The following DDX10 variants were observed in gnomAD, a reference collection of about 807,000 sequenced individuals.
DDX10 encodes DEAD-box helicase 10.
In DDX10, 74 loss-of-function variants were observed where a neutral mutation model predicts 104.3. That is an observed-to-expected ratio of 0.71 (90% CI 0.59 to 0.86). DDX10 has a LOEUF of 0.86. DDX10 is among the 40% of genes least tolerant of loss of function. DDX10 has a pLI of 0.00. For missense variants in DDX10, 952 were observed against 1,040.0 expected, an observed-to-expected ratio of 0.92 and a Z score of 1.16; for synonymous variants, 351 against 353.4, an observed-to-expected ratio of 0.99 and a Z score of 0.08.
chr11:108,834,663 T>G (rs1372002748), intron 13 of DDX10, among the ~76,000 whole-genome samples: 1 of 152,070 alleles, frequency 6.6e-6, no homozygotes, highest in Non-Finnish European at 1.5e-5. Context: ...CAGCATTGCT[T>G]CTGTCTTTAG....
At chr11:108,751,392 T>C (rs944341886) in intron 13 of DDX10, among the ~76,000 whole-genome samples, 6 of 152,160 alleles carry the variant, frequency 3.9e-5, no homozygotes, top group Admixed American at 2.6e-4. Flanking sequence ...AATGAAACTT[T>C]CCATGAGTTT....
intron 17 of DDX10, among the ~76,000 whole-genome samples, chr11:108,932,293 G>C (rs1488907612): frequency 6.6e-6 from 1 of 151,916 alleles, no homozygotes; most frequent in Non-Finnish European, 1.5e-5. Context: ...TTGGTTGAAA[G>C]CTTTATATAC....
intron 6 of DDX10, 41 bp from the exon 7 acceptor site, chr11:108,688,895 A>C: frequency 1.3e-6 from 2 of 1,587,628 alleles, no homozygotes; most frequent in Non-Finnish European, 1.7e-6. Context: ...AGTTACTTAC[A>C]TGACATATTC....
intron 13 of DDX10, among the ~76,000 whole-genome samples, chr11:108,812,515 T>C (rs1344720497): frequency 6.6e-6 from 1 of 152,192 alleles, no homozygotes; most frequent in African/African-American, 2.4e-5. Flanking sequence ...AATTTATAAA[T>C]ATATTTAAGC....
intron 13 of DDX10, among the ~76,000 whole-genome samples, chr11:108,788,996 C>G (rs558425093): frequency 6.6e-6 from 1 of 152,272 alleles, no homozygotes; most frequent in African/African-American, 2.4e-5. Flanking sequence ...GGCAGATAGG[C>G]CGTACCCTCT....
At chr11:108,897,747 A>G (rs560512767) in intron 16 of DDX10, among the ~76,000 whole-genome samples, 1 of 151,824 alleles carries the variant, frequency 6.6e-6, no homozygotes, top group Non-Finnish European at 1.5e-5. Context: ...TCTTTCTTTC[A>G]GTTTGATCCT....
chr11:108,676,906 T>G (rs924342146), intron 3 of DDX10, among the ~76,000 whole-genome samples, 179 bp from the exon 4 acceptor site: 1 of 151,816 alleles, frequency 6.6e-6, no homozygotes, highest in African/African-American at 2.4e-5. Context: ...TTCCTCTGAG[T>G]TGGGGGTGGA....
chr11:108,845,243 CT>C (rs1199708206), intron 15 of DDX10, among the ~76,000 whole-genome samples: 1 of 151,294 alleles, frequency 6.6e-6, no homozygotes, highest in Non-Finnish European at 1.5e-5. Flanking sequence ...CAAACAAAGA[CT>C]TTCTTCTTTA....
intron 13 of DDX10, among the ~76,000 whole-genome samples, chr11:108,820,298 G>T (rs1862308970): frequency 6.6e-6 from 1 of 152,202 alleles, no homozygotes; most frequent in African/African-American, 2.4e-5. Flanking sequence ...GAGATCCAGA[G>T]AAATTCCACA....
chr11:108,844,501 T>C (rs139493459), intron 15 of DDX10, among the ~76,000 whole-genome samples: 72 of 152,196 alleles, frequency 4.7e-4, no homozygotes, highest in African/African-American at 1.6e-3. Context: ...TGTCATAGAG[T>C]GGATTTCTAC....
At chr11:108,694,600 G>T in intron 9 of DDX10, among the ~76,000 whole-genome samples, 1 of 152,190 alleles carries the variant, frequency 6.6e-6, no homozygotes, top group South Asian at 2.1e-4. Context: ...AATGTAGTAG[G>T]CTGGGCATGG....
At chr11:108,919,727 C>T (rs553128366) in intron 17 of DDX10, 1 of 152,314 alleles carries the variant, frequency 6.6e-6, no homozygotes, top group South Asian at 2.1e-4. Flanking sequence ...TGTCAGCAGT[C>T]CTTCTGCATT....
intron 1 of DDX10, among the ~76,000 whole-genome samples, chr11:108,670,578 C>T (rs758849257): frequency 2.0e-4 from 31 of 152,156 alleles, no homozygotes; most frequent in Non-Finnish European, 3.5e-4. Flanking sequence ...CTGGCATTGT[C>T]AGTCAACTAT....
intron 1 of DDX10, among the ~76,000 whole-genome samples, chr11:108,671,228 A>C (rs1024933880): frequency 6.6e-6 from 1 of 152,214 alleles, no homozygotes; most frequent in Non-Finnish European, 1.5e-5. Context: ...CAGTGGCTCT[A>C]TCTCTGCTCA....
intron 13 of DDX10, among the ~76,000 whole-genome samples, chr11:108,759,513 T>C (rs1196123031): frequency 1.3e-5 from 2 of 152,064 alleles, no homozygotes; most frequent in African/African-American, 2.4e-5. Context: ...ATGGTAGATA[T>C]GGTTGTAAGG....
intron 17 of DDX10, among the ~76,000 whole-genome samples, chr11:108,931,340 T>C (rs1199445687): frequency 6.6e-6 from 1 of 152,218 alleles, no homozygotes; most frequent in Non-Finnish European, 1.5e-5. Context: ...ATTAGTCACA[T>C]TTACAAACAT....
intron 2 of DDX10, among the ~76,000 whole-genome samples, chr11:108,674,588 G>T (rs912821952): frequency 6.6e-6 from 1 of 151,450 alleles, no homozygotes; most frequent in Non-Finnish European, 1.5e-5. Context: ...TTAGCTCACT[G>T]CATCCTCAGC....
At chr11:108,761,140 A>T (rs1276749990) in intron 13 of DDX10, among the ~76,000 whole-genome samples, 1 of 152,074 alleles carries the variant, frequency 6.6e-6, no homozygotes, top group Non-Finnish European at 1.5e-5. Context: ...ATCTCCAAGG[A>T]CCTGGTTAGT....
intron 6 of DDX10, among the ~76,000 whole-genome samples, chr11:108,681,918 CT>C (rs1313000868): frequency 6.6e-6 from 1 of 151,784 alleles, no homozygotes; most frequent in Non-Finnish European, 1.5e-5. Context: ...CATGTATGTG[CT>C]TATTTTCTGT....
Sources: gnomAD v4.1 joint callset for allele counts (sites outside exome capture counted in the v4.1 genomes callset) on GRCh38, gnomAD v4.1.1 for gene constraint, MANE v1.5 for transcripts, NCBI Gene and HGNC (gene_info 2026-07-23, HGNC 2026-07-21) for gene names.